Variants in FBXL17 observed in about 807,000 individuals in gnomAD.
The protein encoded by FBXL17 is F-box/LRR-repeat protein 17.
In FBXL17, 22 loss-of-function variants were observed where a neutral mutation model predicts 66.2. The ratio of observed to expected loss-of-function variants is 0.33; its 90% CI spans 0.24 to 0.47. The LOEUF (loss-of-function observed/expected upper bound fraction) is 0.47. Ranked by LOEUF, FBXL17 falls within the 20% of genes least tolerant of loss-of-function variation. FBXL17 has a pLI of 1.00. For synonymous variants in FBXL17, 474 were observed against 400.5 expected (o/e 1.18, Z -2.19); for missense variants, 878 against 948.2 (o/e 0.93, Z 0.97).
At chr5:107,886,204 G>A (rs1748965421) in intron 7 of FBXL17, among the ~76,000 whole-genome samples, 1 of 152,310 alleles carries the variant, frequency 6.6e-6, no homozygotes, top group South Asian at 2.1e-4. Flanking sequence ...ACTACTCTGT[G>A]TAATCTAGGA....
chr5:107,907,666 T>A (rs1749810305), intron 7 of FBXL17, among the ~76,000 whole-genome samples: 1 of 152,132 alleles, frequency 6.6e-6, no homozygotes, highest in African/African-American at 2.4e-5. Flanking sequence ...AAAGAAGACA[T>A]TTATGCAGCC....
chr5:108,268,365 C>T (rs575899689), intron 4 of FBXL17, among the ~76,000 whole-genome samples: 62 of 152,014 alleles, frequency 4.1e-4, no homozygotes, highest in African/African-American at 1.4e-3. Context: ...TTTTTACTTT[C>T]GAAGCATTTT....
chr5:107,868,563 C>G (rs897805915), intron 8 of FBXL17, among the ~76,000 whole-genome samples: 10 of 152,222 alleles, frequency 6.6e-5, no homozygotes, highest in Admixed American at 6.5e-5. Flanking sequence ...GTCTCTCACC[C>G]ATAAAAACAC....
chr5:108,071,866 CA>C (rs1748347238), intron 6 of FBXL17, among the ~76,000 whole-genome samples: 1 of 152,002 alleles, frequency 6.6e-6, no homozygotes, highest in South Asian at 2.1e-4. Context: ...TTACCTAAAT[CA>C]CAAAATTTCT....
At chr5:107,954,158 GA>G in intron 7 of FBXL17, among the ~76,000 whole-genome samples, 1 of 152,192 alleles carries the variant, frequency 6.6e-6, no homozygotes, top group Non-Finnish European at 1.5e-5. Context: ...ACTGAGTTCT[GA>G]ATAAATATTC....
At chr5:107,968,118 G>A (rs1295104520) in intron 7 of FBXL17, among the ~76,000 whole-genome samples, 11 of 152,240 alleles carry the variant, frequency 7.2e-5, no homozygotes, top group South Asian at 2.1e-4. Context: ...AAAGGAGGAG[G>A]AATAGAGTAA....
intron 6 of FBXL17, among the ~76,000 whole-genome samples, chr5:108,055,358 C>T (rs986074283): frequency 2.1e-5 from 3 of 142,450 alleles, no homozygotes; most frequent in African/African-American, 7.7e-5. Flanking sequence ...CCTGTAATCC[C>T]AGCACTTTGA....
intron 7 of FBXL17, among the ~76,000 whole-genome samples, chr5:107,948,034 C>T (rs1317342467): frequency 3.9e-5 from 6 of 151,914 alleles, no homozygotes; most frequent in East Asian, 1.9e-4. Context: ...ACTTGCTGCC[C>T]GCCAACTTTC....
intron 3 of FBXL17, among the ~76,000 whole-genome samples, chr5:108,362,783 C>T (rs947778914): frequency 6.6e-6 from 1 of 151,926 alleles, no homozygotes; most frequent in Non-Finnish European, 1.5e-5. Context: ...ATTCAAAAGG[C>T]ACACATATTT....
intron 4 of FBXL17, 60 bp from the exon 5 acceptor site, chr5:108,224,288 G>A (rs1364860245): frequency 1.0e-6 from 1 of 961,300 alleles, no homozygotes. Context: ...TCAAGGATTT[G>A]GCTCCTGAAA....
intron 8 of FBXL17, chr5:107,879,293 T>C (rs1017537015): frequency 2.0e-6 from 2 of 985,374 alleles, no homozygotes; most frequent in African/African-American, 3.5e-5. Flanking sequence ...CAGTTCCTTC[T>C]GCTGGAAGCT....
intron 7 of FBXL17, among the ~76,000 whole-genome samples, chr5:108,010,220 T>C (rs1043238804): frequency 1.3e-5 from 2 of 152,208 alleles, no homozygotes; most frequent in African/African-American, 2.4e-5. Context: ...TATTTCCAAA[T>C]GGCTGGGTCC....
chr5:108,008,254 G>C (rs73206525), intron 7 of FBXL17, among the ~76,000 whole-genome samples: 9,351 of 152,206 alleles, frequency 0.061, 1,012 homozygotes, highest in African/African-American at 0.21. Flanking sequence ...AGAGTGAAAA[G>C]AAGATATCAC....
chr5:108,084,579 A>G (rs1359063802), intron 6 of FBXL17, among the ~76,000 whole-genome samples: 1 of 152,242 alleles, frequency 6.6e-6, no homozygotes, highest in African/African-American at 2.4e-5. Context: ...GACCATGGAG[A>G]TTATAATCAT....
intron 6 of FBXL17, among the ~76,000 whole-genome samples, chr5:108,079,156 C>CTT (rs200371861): frequency 0.042 from 5,847 of 139,760 alleles, 175 homozygotes; most frequent in Non-Finnish European, 0.062. Flanking sequence ...ACCTCTCTTT[C>CTT]TTTTTTTTTT....
intron 7 of FBXL17, among the ~76,000 whole-genome samples, chr5:107,894,294 G>C (rs1749300092): frequency 6.6e-6 from 1 of 152,184 alleles, no homozygotes; most frequent in Non-Finnish European, 1.5e-5. Context: ...GAAGCAGCCT[G>C]TAATTACTTT....
chr5:108,327,695 C>G (rs1395966494), intron 4 of FBXL17, among the ~76,000 whole-genome samples: 1 of 152,084 alleles, frequency 6.6e-6, no homozygotes, highest in African/African-American at 2.4e-5. Flanking sequence ...CTAACTGAAC[C>G]TCAAATACAT....
rs561075356 is a variant in FBXL17 at position 107,921,291 on chromosome 5, GTAAAGT to G, written c.1823-40118_1823-40113del. Among the ~76,000 whole-genome samples the G allele has an allele frequency of 3.4e-3, 514 of 152,314 alleles. 1 individual carries two copies. The highest frequency in any genetic ancestry group is 6.3e-3 in the Non-Finnish European group (431 of 68,020). ...TCCCTGAGGCTTCTTCAGAAATTCT[GTAAAGT>G]TAAACAGCTGCCACCTTCATTTAGT... On this transcript the variant is annotated intron_variant, in intron 7 of 8. Coordinates refer to ENST00000542267, the MANE Select transcript of FBXL17 (RefSeq NM_001163315.3).
At chr5:108,149,402 T>C (rs777403540) in intron 6 of FBXL17, among the ~76,000 whole-genome samples, 2 of 152,232 alleles carry the variant, frequency 1.3e-5, no homozygotes, top group African/African-American at 4.8e-5. Flanking sequence ...CCTTCAAAGA[T>C]AGTTTCTGAC....
Sources: allele counts gnomAD v4.1 joint callset (sites outside exome capture counted in the v4.1 genomes callset), GRCh38; gene constraint gnomAD v4.1.1; transcripts MANE v1.5; gene names NCBI Gene and HGNC (gene_info 2026-07-23, HGNC 2026-07-21).